The following ELAVL4 variants were observed in gnomAD, a reference collection of about 807,000 sequenced individuals.
ELAVL4 encodes ELAV like RNA binding protein 4.
In ELAVL4, 1 loss-of-function variant was observed where a neutral mutation model predicts 35.6. The ratio of observed to expected loss-of-function variants is 0.03; its 90% CI spans 0.01 to 0.13. The LOEUF (loss-of-function observed/expected upper bound fraction) is 0.13. ELAVL4 is among the 10% of genes least tolerant of loss of function. The pLI is 1.00. For missense variants in ELAVL4, 267 were observed against 464.9 expected, an observed-to-expected ratio of 0.57 and a Z score of 3.91; for synonymous variants, 156 against 171.0, an observed-to-expected ratio of 0.91 and a Z score of 0.69.
intron 1 of ELAVL4, among the ~76,000 whole-genome samples, chr1:50,133,842 T>C (rs1238044282): frequency 6.6e-6 from 1 of 152,188 alleles, no homozygotes; most frequent in Non-Finnish European, 1.5e-5. Context: ...GCCAGTTATA[T>C]ATGCATTGAG....
chr1:50,052,974 T>C (rs1385315335), intron 1 of ELAVL4, among the ~76,000 whole-genome samples: 2 of 152,244 alleles, frequency 1.3e-5, no homozygotes, highest in African/African-American at 2.4e-5. Context: ...TTGCAACTGC[T>C]ACGGAGTTCC....
rs559475012 is a variant in ELAVL4 at position 50,168,975 on chromosome 1, T to C, written c.251-8114T>C. On this transcript the variant is annotated intron_variant, in intron 2 of 6. Coordinates refer to ENST00000371824, the MANE Select transcript of ELAVL4 (RefSeq NM_001144774.3). ...ATATATATATATATACACACACACA[T>C]ATATATATGTATATATATATATATA... 5.8e-4 allele frequency among the ~76,000 whole-genome samples: 85 copies of C among 145,836 alleles called. 1 individual carries two copies. The highest frequency in any genetic ancestry group is 1.9e-3 in the African/African-American group (74 of 38,886).
At chr1:50,118,576 G>A (rs577267788) in intron 1 of ELAVL4, among the ~76,000 whole-genome samples, 1 of 152,108 alleles carries the variant, frequency 6.6e-6, no homozygotes, top group African/African-American at 2.4e-5. Flanking sequence ...CTTGGGAAGG[G>A]GTAATGGGTC....
chr1:50,119,352 A>G (rs1306729882), intron 1 of ELAVL4, among the ~76,000 whole-genome samples: 1 of 152,068 alleles, frequency 6.6e-6, no homozygotes, highest in Non-Finnish European at 1.5e-5. Flanking sequence ...GTTTGTCCAT[A>G]TTTTAGCCTT....
At chr1:50,176,824 G>C (rs763073375) in intron 2 of ELAVL4, among the ~76,000 whole-genome samples, 1 of 152,202 alleles carries the variant, frequency 6.6e-6, no homozygotes, top group Non-Finnish European at 1.5e-5. Flanking sequence ...TCTCTTGTGT[G>C]GCTGTGCAGG....
In ELAVL4 at chr1:50,065,466, T is replaced by G. The variant is rs574851933; in HGVS notation, c.18+17284T>G. 2.6e-5 allele frequency among the ~76,000 whole-genome samples: 4 copies of G among 152,328 alleles called. No individual in the cohort carries two copies. In the East Asian group the frequency reaches 7.7e-4, roughly 29 times the overall value. On this transcript the variant is annotated intron_variant, in intron 1 of 6. Coordinates refer to the ELAVL4 transcript ENST00000448907. ...CTGGAGCAAGTTAACTTAACCAATG[T>G]GCACCTTGATTTTATTATAATCTAT...
At chr1:50,092,512 C>G (rs1328352743) in intron 1 of ELAVL4, among the ~76,000 whole-genome samples, 2 of 152,170 alleles carry the variant, frequency 1.3e-5, no homozygotes, top group East Asian at 1.9e-4. Context: ...CACCCTTGTT[C>G]CTGGACTCAT....
chr1:50,102,296 TAATAA>T (rs150940225), upstream of ELAVL4, among the ~76,000 whole-genome samples: 88,232 of 138,840 alleles, frequency 0.64, 30,429 homozygotes, highest in Non-Finnish European at 0.77. Context: ...AAAAATAAAA[TAATAA>T]AATAAAATAA....
chr1:50,142,564 A>G (rs1240348575), intron 1 of ELAVL4, among the ~76,000 whole-genome samples: 2 of 152,096 alleles, frequency 1.3e-5, no homozygotes, highest in East Asian at 3.9e-4. Context: ...TTTTTACTAT[A>G]CCACTCTGCT....
intron 1 of ELAVL4, among the ~76,000 whole-genome samples, chr1:50,086,685 G>T (rs1665261216): frequency 6.6e-6 from 1 of 152,044 alleles, no homozygotes; most frequent in Non-Finnish European, 1.5e-5. Context: ...TATATTTTCA[G>T]AGCTCTTCTT....
rs560886522 is a variant in ELAVL4, at chr1:50,177,963, G to A, written c.354+771G>A. Reference sequence around the variant, plus strand: ...AAGGAGGTTTAAGTTTCTGTCACTGGATAGTCATACTCTGGGTCCAGACTT... The same window carrying A: ...AAGGAGGTTTAAGTTTCTGTCACTGAATAGTCATACTCTGGGTCCAGACTT... On this transcript the variant is annotated intron_variant, in intron 3 of 6. Transcript: ENST00000371824. 2.6e-5 allele frequency among the ~76,000 whole-genome samples: 4 copies of A among 152,306 alleles called. No homozygotes were observed. The South Asian group carries it at 8.3e-4, about 32-fold the overall frequency.
At chr1:50,107,645 C>A (rs182921625), upstream of ELAVL4, among the ~76,000 whole-genome samples, 25 of 152,258 alleles carry the variant, frequency 1.6e-4, no homozygotes, top group Admixed American at 7.2e-4. Context: ...CAACTCTAGT[C>A]AAAGATTAAA....
intron 1 of ELAVL4, among the ~76,000 whole-genome samples, chr1:50,124,894 A>G (rs1025577845): frequency 6.6e-6 from 1 of 152,130 alleles, no homozygotes; most frequent in Admixed American, 6.6e-5. Context: ...TACTTGGCAT[A>G]TAAAGTGATA....
chr1:50,160,918 G>A (rs1318187559), intron 2 of ELAVL4, among the ~76,000 whole-genome samples: 1 of 152,206 alleles, frequency 6.6e-6, no homozygotes. Flanking sequence ...GGGAGTTTTA[G>A]AAGCCATTGT....
At chr1:50,072,252 C>A (rs1167416819) in intron 1 of ELAVL4, among the ~76,000 whole-genome samples, 1 of 152,128 alleles carries the variant, frequency 6.6e-6, no homozygotes, top group Non-Finnish European at 1.5e-5. Flanking sequence ...CTAATCTTAC[C>A]CCAAGCAAGC....
At chr1:50,188,671 A>G (rs1267992932) in intron 3 of ELAVL4, among the ~76,000 whole-genome samples, 2 of 152,208 alleles carry the variant, frequency 1.3e-5, no homozygotes, top group East Asian at 1.9e-4. Context: ...GCCTGCCCCC[A>G]TAAGACTGAG....
In ELAVL4 at chr1:50,133,590, GAAAGAAAGA is replaced by G. The variant is rs1297834831; in HGVS notation, c.10-11355_10-11347del. Among the ~76,000 whole-genome samples the G allele has an allele frequency of 6.8e-3, 685 of 100,882 alleles. 6 individuals carry two copies. Among genetic ancestry groups the G allele is most frequent in the Non-Finnish European group, 9.0e-3 (417 of 46,318 alleles). The allele number at this position is 100,882 out of a possible 152,430, so 66.2% of individuals were successfully genotyped here. A position where few individuals can be genotyped will look rare whatever the true frequency, so the allele number is the denominator to read the frequency against. On this transcript the variant is annotated intron_variant, in intron 1 of 6. Coordinates refer to ENST00000371824, the MANE Select transcript of ELAVL4 (RefSeq NM_001144774.3). ...AGAAAGAAAGAGAGAGAGAAAGAAA[GAAAGAAAGA>G]AAAGAAAGAAAGAAAGAAAGAAAGA...
At chr1:50,083,747 G>A (rs544922429) in intron 1 of ELAVL4, among the ~76,000 whole-genome samples, 9 of 152,266 alleles carry the variant, frequency 5.9e-5, no homozygotes, top group African/African-American at 2.2e-4. Context: ...GAAATAGAAA[G>A]GAAAAGAATG....
At chr1:50,057,865 C>T (rs779958215) in intron 1 of ELAVL4, among the ~76,000 whole-genome samples, 2 of 152,172 alleles carry the variant, frequency 1.3e-5, no homozygotes, top group Non-Finnish European at 2.9e-5. Flanking sequence ...GGACATATGA[C>T]AAGAACAGAG....
Sources: allele counts gnomAD v4.1 joint callset (sites outside exome capture counted in the v4.1 genomes callset), GRCh38; gene constraint gnomAD v4.1.1; transcripts MANE v1.5; gene names NCBI Gene and HGNC (gene_info 2026-07-23, HGNC 2026-07-21).